The following SMAD3 variants were observed in gnomAD, a reference collection of about 807,000 sequenced individuals.
SMAD3 encodes SMAD family member 3.
A neutral mutation model predicts 51.8 loss-of-function variants in SMAD3; 12 were observed. The ratio of observed to expected loss-of-function variants is 0.23; its 90% CI spans 0.15 to 0.38. The LOEUF (loss-of-function observed/expected upper bound fraction) is 0.38. Ranked by LOEUF, SMAD3 falls within the 10% of genes least tolerant of loss-of-function variation. SMAD3 has a pLI of 1.00. For synonymous variants in SMAD3, 238 were observed against 227.7 expected (o/e 1.05, Z -0.41); for missense variants, 294 against 565.6 (o/e 0.52, Z 4.87).
chr15:67,140,241 A>G (rs1961782699), intron 1 of SMAD3, among the ~76,000 whole-genome samples: 1 of 152,206 alleles, frequency 6.6e-6, no homozygotes, highest in Non-Finnish European at 1.5e-5. Flanking sequence ...CAGATTGATG[A>G]GTGTCTTGTC....
chr15:67,084,681 G>T (rs1953183033), intron 1 of SMAD3, among the ~76,000 whole-genome samples: 2 of 152,154 alleles, frequency 1.3e-5, no homozygotes, highest in Non-Finnish European at 2.9e-5. Context: ...GCGTCCCAGG[G>T]TGAAATGAGA....
chr15:67,170,814 A>G, intron 5 of SMAD3: 1 of 568,940 alleles, frequency 1.8e-6, no homozygotes, highest in South Asian at 2.2e-5. Context: ...AGACAACCAT[A>G]TGCCAGGTTT....
intron 1 of SMAD3, among the ~76,000 whole-genome samples, chr15:67,092,334 A>G (rs191571701): frequency 3.9e-5 from 6 of 152,316 alleles, no homozygotes; most frequent in Admixed American, 3.3e-4. Context: ...ATAATTACAC[A>G]TATTTTATCA....
intron 5 of SMAD3, among the ~76,000 whole-genome samples, chr15:67,171,603 T>C (rs950315690): frequency 6.6e-6 from 1 of 152,238 alleles, no homozygotes; most frequent in Non-Finnish European, 1.5e-5. Context: ...CAAAGTGGAT[T>C]GGACTGGTTT....
intron 1 of SMAD3, among the ~76,000 whole-genome samples, chr15:67,147,845 A>G (rs925202366): frequency 6.6e-6 from 1 of 152,018 alleles, no homozygotes; most frequent in African/African-American, 2.4e-5. Flanking sequence ...TTTATATCCC[A>G]CATGACAGCT....
intron 1 of SMAD3, among the ~76,000 whole-genome samples, chr15:67,069,237 A>G (rs1468214121): frequency 6.6e-6 from 1 of 152,142 alleles, no homozygotes; most frequent in African/African-American, 2.4e-5. Context: ...GGTGAAAGAG[A>G]TTGGTGCCAA....
chr15:67,161,919 C>T (rs945018933), intron 1 of SMAD3, among the ~76,000 whole-genome samples: 5 of 152,238 alleles, frequency 3.3e-5, no homozygotes, highest in African/African-American at 1.2e-4. Context: ...GCTCCACATC[C>T]GCCAGTCCTC....
At chr15:67,105,385 G>C (rs1960855032) in intron 1 of SMAD3, among the ~76,000 whole-genome samples, 1 of 152,130 alleles carries the variant, frequency 6.6e-6, no homozygotes, top group Non-Finnish European at 1.5e-5. Flanking sequence ...TGGAAACCTT[G>C]AACCTTGAGC....
At chr15:67,169,796 G>C (rs185204552) in intron 4 of SMAD3, among the ~76,000 whole-genome samples, 1 of 152,116 alleles carries the variant, frequency 6.6e-6, no homozygotes, top group Admixed American at 6.5e-5. Context: ...ACAGAGGAGC[G>C]GGGACGAGCA....
intron 1 of SMAD3, among the ~76,000 whole-genome samples, chr15:67,113,445 T>G (rs574158885): frequency 2.6e-5 from 4 of 152,204 alleles, no homozygotes; most frequent in South Asian, 2.1e-4. Context: ...GTGGTAACTC[T>G]CAGAAATCCA....
intron 1 of SMAD3, among the ~76,000 whole-genome samples, chr15:67,104,666 G>T (rs886250474): frequency 1.1e-4 from 16 of 152,230 alleles, no homozygotes; most frequent in African/African-American, 3.4e-4. Flanking sequence ...TGGCACAAAT[G>T]GCCAAGTTTA....
At chr15:67,130,483 C>T (rs897674563) in intron 1 of SMAD3, among the ~76,000 whole-genome samples, 3 of 152,140 alleles carry the variant, frequency 2.0e-5, no homozygotes, top group Non-Finnish European at 4.4e-5. Flanking sequence ...CTCATAGGAG[C>T]GTGAACCCTA....
intron 5 of SMAD3, among the ~76,000 whole-genome samples, chr15:67,176,213 A>G (rs561835496): frequency 1.2e-4 from 18 of 152,330 alleles, no homozygotes; most frequent in East Asian, 3.9e-4. Flanking sequence ...TTTCTGGGAC[A>G]CAAGGTTAAT....
rs182363551 is a variant in SMAD3, at chr15:67,070,760, G to A, written c.206+4400G>A. On this transcript the variant is annotated intron_variant, in intron 1 of 8. Coordinates refer to ENST00000327367, the MANE Select transcript of SMAD3 (RefSeq NM_005902.4). Reference sequence around the variant, plus strand: ...ATGTTAGGAAATAAAATAATGACAGGCATCTGTTTTTTTCTGAAAAAAACA... The same window carrying A: ...ATGTTAGGAAATAAAATAATGACAGACATCTGTTTTTTTCTGAAAAAAACA... Among the ~76,000 whole-genome samples, 21 of 151,428 alleles carry A rather than the reference G, an allele frequency of 1.4e-4. No homozygotes were observed. In the East Asian group the frequency reaches 3.9e-3, roughly 28 times the overall value.
chr15:67,083,326 G>A (rs1392188944), intron 1 of SMAD3, among the ~76,000 whole-genome samples: 5 of 152,306 alleles, frequency 3.3e-5, no homozygotes, highest in African/African-American at 1.2e-4. Flanking sequence ...GTTTACCATC[G>A]CCTGTTTATA....
intron 1 of SMAD3, among the ~76,000 whole-genome samples, chr15:67,118,883 C>T (rs1961195208): frequency 6.6e-6 from 1 of 152,222 alleles, no homozygotes; most frequent in African/African-American, 2.4e-5. Flanking sequence ...GGACATGCAT[C>T]CCCTGTTGTA....
At chr15:67,095,283 C>G (rs1443946989) in intron 1 of SMAD3, among the ~76,000 whole-genome samples, 1 of 152,146 alleles carries the variant, frequency 6.6e-6, no homozygotes, top group African/African-American at 2.4e-5. Context: ...AACCCAGATC[C>G]TTTTTGTGTT....
intron 6 of SMAD3, among the ~76,000 whole-genome samples, chr15:67,181,881 G>A (rs928670575): frequency 2.0e-5 from 3 of 151,566 alleles, no homozygotes; most frequent in African/African-American, 7.3e-5. Context: ...TGCCTCCTGG[G>A]TTCAAGCGAT....
chr15:67,099,919 C>T (rs542064503), intron 1 of SMAD3, among the ~76,000 whole-genome samples: 6 of 152,294 alleles, frequency 3.9e-5, no homozygotes, highest in South Asian at 2.1e-4. Context: ...CAGTGGCTTG[C>T]GCCTGTAATC....
Sources: gnomAD v4.1 joint callset for allele counts (sites outside exome capture counted in the v4.1 genomes callset) on GRCh38, gnomAD v4.1.1 for gene constraint, MANE v1.5 for transcripts, NCBI Gene and HGNC (gene_info 2026-07-23, HGNC 2026-07-21) for gene names.